The following CNNM2 variants were observed in gnomAD, a reference collection of about 807,000 sequenced individuals.
CNNM2 encodes cyclin and CBS domain divalent metal cation transport mediator 2, also known as metal transporter CNNM2.
CNNM2 carries 12 observed loss-of-function variants against 66.9 expected under a neutral mutation model. That is an observed-to-expected ratio of 0.18 (90% CI 0.11 to 0.29). The LOEUF (loss-of-function observed/expected upper bound fraction) is 0.29. Ranked by LOEUF, CNNM2 falls within the 10% of genes least tolerant of loss-of-function variation. The pLI is 1.00. For synonymous variants in CNNM2, 557 were observed against 501.8 expected (o/e 1.11, Z -1.47); for missense variants, 705 against 1,167.7 (o/e 0.60, Z 5.77).
rs537155297 is a variant in CNNM2, at chr10:102,946,984, C to A, written c.1621+26883C>A. 2.6e-5 allele frequency among the ~76,000 whole-genome samples: 4 copies of A among 152,260 alleles called. No individual in the cohort carries two copies. In the South Asian group the frequency reaches 8.3e-4, roughly 32 times the overall value. The stretch of plus-strand genomic sequence containing the variant: ...TACAATTCTGCATGTATCTGAGTAG[C>A]TCTTCACCAAATGCCAGAACTTTTT... On this transcript the variant is annotated intron_variant, in intron 1 of 7. Coordinates refer to ENST00000369878, the MANE Select transcript of CNNM2 (RefSeq NM_017649.5).
intron 1 of CNNM2, among the ~76,000 whole-genome samples, chr10:103,040,620 A>G (rs926853613): frequency 2.6e-5 from 4 of 152,272 alleles, no homozygotes; most frequent in East Asian, 1.9e-4. Context: ...GGCTGACACA[A>G]AGGTGGATCC....
At position 102,929,701 on chromosome 10, in the gene CNNM2, C is replaced by T. The variant is rs7922349; in HGVS notation, c.1621+9600C>T. ...CAACAAGTCTTTTGAGTTGTTTATC[C>T]GCTCATCCGTTGATAGACATTTAGA... On this transcript the variant is annotated intron_variant, in intron 1 of 7. Transcript: ENST00000369878. Among the ~76,000 whole-genome samples, 30,892 of 151,868 alleles carry T rather than the reference C, an allele frequency of 0.2. 3,280 individuals are homozygous for T. The highest frequency in any genetic ancestry group is 0.22 in the Non-Finnish European group (15,064 of 67,958).
At position 102,918,917 on chromosome 10, in the gene CNNM2, G is replaced by A. The variant is rs1433621842; in HGVS notation, c.437G>A (p.Gly146Asp). ...CCCGCGCCGCCAGAGCCGGACAGCG[G>A]CCCCCAGCGATGCGGCATCCGCACC... ...GGPAPPEPDSGPQRCGIRTSD... is the reference protein window; with the variant it reads ...GGPAPPEPDSDPQRCGIRTSD... Residue 146 changes from glycine to aspartate, a missense_variant, in exon 1 of 8, where the codon GGC becomes GAC. Transcript: ENST00000369878. This position sits in a 1 kb window ranked among gnomAD's most constrained non-coding sequence, Gnocchi z 4.1. The A allele has an allele frequency of 6.2e-7, 1 of 1,611,630 alleles. No individual in the cohort carries two copies. Among genetic ancestry groups the A allele is most frequent in the Non-Finnish European group, 8.5e-7 (1 of 1,179,192 alleles).
At chr10:102,984,613 A>G (rs1445820230) in intron 1 of CNNM2, among the ~76,000 whole-genome samples, 2 of 152,204 alleles carry the variant, frequency 1.3e-5, no homozygotes, top group Non-Finnish European at 2.9e-5. Flanking sequence ...ATATTTGACA[A>G]TCTAAGCCTA....
At chr10:102,945,039 C>G (rs1272152015) in intron 1 of CNNM2, among the ~76,000 whole-genome samples, 2 of 147,648 alleles carry the variant, frequency 1.4e-5, no homozygotes, top group African/African-American at 5.0e-5. Flanking sequence ...TAATAATTAA[C>G]AAGGAATCTA....
At chr10:102,963,166 C>T (rs1290752301) in intron 1 of CNNM2, among the ~76,000 whole-genome samples, 1 of 152,154 alleles carries the variant, frequency 6.6e-6, no homozygotes, top group African/African-American at 2.4e-5. Flanking sequence ...AACACTTCTG[C>T]AGTACTTAAT....
intron 1 of CNNM2, among the ~76,000 whole-genome samples, chr10:103,021,548 C>T (rs572482092): frequency 1.8e-4 from 28 of 152,196 alleles, no homozygotes; most frequent in Non-Finnish European, 3.1e-4. Context: ...TTACCCGAAA[C>T]GCCAGAGTTC....
rs1266196283 is a variant in CNNM2, at chr10:103,088,327, A to AACAT, written c.*11151_*11154dup. 4 of 152,380 alleles carry AACAT rather than the reference A, an allele frequency of 2.6e-5. No homozygotes were observed. The highest frequency in any genetic ancestry group is 9.6e-5 in the African/African-American group (4 of 41,596). The allele number at this position is 152,380 out of a possible 1,614,324, so 9.4% of individuals were successfully genotyped here. A position where few individuals can be genotyped will look rare whatever the true frequency, so the allele number is the denominator to read the frequency against. On this transcript the variant is annotated 3_prime_UTR_variant, in exon 8 of 8. Coordinates refer to ENST00000369878, the MANE Select transcript of CNNM2 (RefSeq NM_017649.5). ...ACTGGTGAAACAGTTTTAATACCCT[A>AACAT]ACATACACAGTAATGATTCATTCTT...
At chr10:102,921,660 T>C (rs1332226607) in intron 1 of CNNM2, among the ~76,000 whole-genome samples, 1 of 152,208 alleles carries the variant, frequency 6.6e-6, no homozygotes, top group Non-Finnish European at 1.5e-5. Context: ...ACTTCTTTCA[T>C]TTTGCAGTAA....
At chr10:102,936,114 G>A (rs1212383181) in intron 1 of CNNM2, among the ~76,000 whole-genome samples, 1 of 151,882 alleles carries the variant, frequency 6.6e-6, no homozygotes, top group African/African-American at 2.4e-5. Flanking sequence ...CTTTATGGGA[G>A]TGTGCAAAGC....
rs545898220 is a variant in CNNM2, at chr10:102,967,768, G to T, written c.1621+47667G>T. 8.5e-5 allele frequency among the ~76,000 whole-genome samples: 13 copies of T among 152,322 alleles called. No individual in the cohort carries two copies. In the East Asian group the frequency reaches 9.7e-4, roughly 11 times the overall value. ...TCATGCCTGTAATCCCAGCACTTTGGGGGGCCGAGGCGGGCGGATCACCTG... is the reference window on the plus strand; with the variant it reads ...TCATGCCTGTAATCCCAGCACTTTGTGGGGCCGAGGCGGGCGGATCACCTG... On this transcript the variant is annotated intron_variant, in intron 1 of 7. Coordinates refer to ENST00000369878, the MANE Select transcript of CNNM2 (RefSeq NM_017649.5).
At chr10:102,957,608 A>T (rs189581628) in intron 1 of CNNM2, among the ~76,000 whole-genome samples, 1 of 152,312 alleles carries the variant, frequency 6.6e-6, no homozygotes, top group East Asian at 1.9e-4. Flanking sequence ...CCGACTTTTC[A>T]CCAAAGACAG....
At chr10:103,057,424 C>T (rs1363914007) in intron 4 of CNNM2, among the ~76,000 whole-genome samples, 7 of 151,264 alleles carry the variant, frequency 4.6e-5, no homozygotes, top group Non-Finnish European at 1.0e-4. Context: ...CATGTTTGCA[C>T]CACTGCACTC....
intron 1 of CNNM2, among the ~76,000 whole-genome samples, chr10:102,973,820 C>A: frequency 1.4e-5 from 2 of 147,650 alleles, no homozygotes; most frequent in East Asian, 4.2e-4. Flanking sequence ...ATGTATTCCC[C>A]CCCCCCCTTT....
intron 1 of CNNM2, among the ~76,000 whole-genome samples, chr10:102,929,948 A>G (rs1846010995): frequency 6.6e-6 from 1 of 152,238 alleles, no homozygotes; most frequent in South Asian, 2.1e-4. Flanking sequence ...TGTATTGCTT[A>G]TAGCAGTGTA....
intron 4 of CNNM2, among the ~76,000 whole-genome samples, chr10:103,063,038 C>G (rs2065415377): frequency 6.6e-6 from 1 of 152,222 alleles, no homozygotes; most frequent in South Asian, 2.1e-4. Flanking sequence ...CAAGTAATAC[C>G]ACGTGGCACC....
At chr10:102,936,482 C>T (rs912227908) in intron 1 of CNNM2, among the ~76,000 whole-genome samples, 3 of 149,622 alleles carry the variant, frequency 2.0e-5, no homozygotes, top group African/African-American at 4.9e-5. Flanking sequence ...GTTTGGGGTT[C>T]CAGGTAAACA....
At chr10:102,998,030 T>G (rs1166888873) in intron 1 of CNNM2, among the ~76,000 whole-genome samples, 4 of 149,060 alleles carry the variant, frequency 2.7e-5, no homozygotes, top group African/African-American at 4.9e-5. Context: ...AGTGTTTTTG[T>G]TTTTTTTTTC....
At chr10:103,020,089 T>A in intron 1 of CNNM2, among the ~76,000 whole-genome samples, 1 of 152,208 alleles carries the variant, frequency 6.6e-6, no homozygotes, top group East Asian at 1.9e-4. Context: ...ATAGCAATTA[T>A]AAAATATTTC....
Sources: allele counts gnomAD v4.1 joint callset (sites outside exome capture counted in the v4.1 genomes callset), GRCh38; gene constraint gnomAD v4.1.1; non-coding constraint Gnocchi (gnomAD v3.1); transcripts MANE v1.5; gene names NCBI Gene and HGNC (gene_info 2026-07-23, HGNC 2026-07-21).